Variants in POU6F2 observed in about 807,000 individuals in gnomAD.
POU6F2 encodes the protein POU class 6 homeobox 2.
POU6F2 carries 31 observed loss-of-function variants against 71.3 expected under a neutral mutation model. The ratio of observed to expected loss-of-function variants is 0.43; its 90% CI spans 0.33 to 0.59. The LOEUF is 0.59. Among genes scored for constraint, POU6F2 ranks in the 20% least tolerant of loss-of-function variants. POU6F2 has a pLI of 0.04. For missense variants in POU6F2, 783 were observed against 856.8 expected (o/e 0.91, Z 1.07); for synonymous variants, 347 against 355.7 (o/e 0.98, Z 0.27).
intron 4 of POU6F2, among the ~76,000 whole-genome samples, chr7:39,293,448 G>A (rs1383865190): frequency 5.9e-5 from 9 of 152,164 alleles, no homozygotes; most frequent in South Asian, 2.1e-4. Context: ...TAATAAGGCC[G>A]CTTGGGGCCC....
At chr7:39,259,658 G>A (rs114802926) in intron 4 of POU6F2, among the ~76,000 whole-genome samples, 2,032 of 152,150 alleles carry the variant, frequency 0.013, 37 homozygotes, top group African/African-American at 0.046. Flanking sequence ...TTTCCTGGGC[G>A]GTAAGAGCAC....
intron 5 of POU6F2, chr7:39,404,569 T>G (rs1285776509): frequency 6.6e-6 from 1 of 152,194 alleles, no homozygotes; most frequent in Non-Finnish European, 1.5e-5. Context: ...ATAGTCAACA[T>G]TAAGATCCAA....
chr7:39,078,063 G>A (rs1487366542), intron 1 of POU6F2, among the ~76,000 whole-genome samples: 1 of 152,218 alleles, frequency 6.6e-6, no homozygotes, highest in South Asian at 2.1e-4. Flanking sequence ...AGAGATGAGT[G>A]AGGGTTTGCT....
At chr7:39,406,845 G>T in intron 6 of POU6F2, 105 bp downstream of exon 6, 3 of 1,435,860 alleles carry the variant, frequency 2.1e-6, no homozygotes, top group Non-Finnish European at 2.9e-6. Flanking sequence ...ATCTATTCGA[G>T]GCAAATAAAT....
At chr7:39,373,079 C>T (rs1279985984) in intron 5 of POU6F2, among the ~76,000 whole-genome samples, 10 of 152,130 alleles carry the variant, frequency 6.6e-5, no homozygotes, top group Non-Finnish European at 1.5e-5. Context: ...CCTTTTATGC[C>T]TTCATTTCCT....
intron 4 of POU6F2, among the ~76,000 whole-genome samples, chr7:39,324,571 G>A (rs183179214): frequency 1.2e-3 from 184 of 152,290 alleles, no homozygotes; most frequent in Non-Finnish European, 2.2e-3. Context: ...GCTTGTTATC[G>A]CAGCATAACC....
intron 2 of POU6F2, among the ~76,000 whole-genome samples, chr7:39,173,199 T>A (rs1793260306): frequency 6.6e-6 from 1 of 152,242 alleles, no homozygotes; most frequent in Non-Finnish European, 1.5e-5. Context: ...ACATATCTGT[T>A]TTCAGTCTAG....
Position 39,054,431 on chromosome 7 carries a change from G to A in POU6F2, c.106-31429G>A, listed in dbSNP as rs1790465402. 2.0e-5 allele frequency among the ~76,000 whole-genome samples: 3 copies of A among 152,200 alleles called. No individual in the cohort carries two copies. In the South Asian group the frequency reaches 6.2e-4, roughly 32 times the overall value. ...TTACTCAAACCTCCCATACTAGGGT[G>A]ACATTAAATAAAATGAAATAAGTGA... On this transcript the variant is annotated intron_variant, in intron 1 of 9. Coordinates refer to ENST00000518318, the MANE Select transcript of POU6F2 (RefSeq NM_001370959.1).
intron 2 of POU6F2, among the ~76,000 whole-genome samples, chr7:39,194,879 C>T (rs919920130): frequency 6.6e-6 from 1 of 152,144 alleles, no homozygotes; most frequent in African/African-American, 2.4e-5. Flanking sequence ...AAGAGCTTAA[C>T]ACTGTGAAGG....
chr7:39,234,691 AC>A (rs1794640136), intron 4 of POU6F2, among the ~76,000 whole-genome samples: 1 of 151,888 alleles, frequency 6.6e-6, no homozygotes, highest in Non-Finnish European at 1.5e-5. Context: ...GATTCCACTG[AC>A]CCCCTCTTCA....
intron 2 of POU6F2, among the ~76,000 whole-genome samples, chr7:39,107,518 T>G (rs571314638): frequency 6.6e-6 from 1 of 152,340 alleles, no homozygotes; most frequent in East Asian, 1.9e-4. Flanking sequence ...ACCAACAATT[T>G]GTTTATACGT....
At chr7:39,315,184 C>G (rs1242577178) in intron 4 of POU6F2, among the ~76,000 whole-genome samples, 1 of 152,150 alleles carries the variant, frequency 6.6e-6, no homozygotes, top group Non-Finnish European at 1.5e-5. Context: ...TTGAGAAAGC[C>G]TTGCTACTCT....
At chr7:39,285,758 C>G (rs570398084) in intron 4 of POU6F2, among the ~76,000 whole-genome samples, 4 of 152,182 alleles carry the variant, frequency 2.6e-5, no homozygotes, top group Non-Finnish European at 4.4e-5. Context: ...TGGCTTTACA[C>G]AAGATGCTGA....
chr7:39,315,826 G>T (rs1785255600), intron 4 of POU6F2, among the ~76,000 whole-genome samples: 1 of 152,146 alleles, frequency 6.6e-6, no homozygotes, highest in Non-Finnish European at 1.5e-5. Context: ...ACTTTACTTT[G>T]GCTTTATAAC....
intron 6 of POU6F2, 109 bp from the exon 7 acceptor site, chr7:39,432,968 G>C: frequency 9.3e-7 from 1 of 1,078,762 alleles, no homozygotes; most frequent in Admixed American, 2.2e-5. Context: ...TGCAGATTCT[G>C]AGTCGGCTCC....
At chr7:38,997,915 T>C (rs1383848444) in intron 1 of POU6F2, among the ~76,000 whole-genome samples, 1 of 152,196 alleles carries the variant, frequency 6.6e-6, no homozygotes, top group African/African-American at 2.4e-5. Context: ...TTCAAAGAGA[T>C]TAACTGATTT....
chr7:39,008,901 T>C (rs1239179213), intron 1 of POU6F2, among the ~76,000 whole-genome samples: 1 of 150,232 alleles, frequency 6.7e-6, no homozygotes, highest in East Asian at 1.9e-4. Context: ...TTGGTACCAG[T>C]ACCATGCTGT....
intron 2 of POU6F2, among the ~76,000 whole-genome samples, chr7:39,125,778 G>A (rs1188467236): frequency 6.6e-6 from 1 of 152,082 alleles, no homozygotes; most frequent in East Asian, 1.9e-4. Flanking sequence ...TTAATGCACT[G>A]GGTCTTTCTC....
chr7:39,051,443 C>T (rs10951590), intron 1 of POU6F2, among the ~76,000 whole-genome samples: 45,062 of 151,968 alleles, frequency 0.3, 7,639 homozygotes, highest in East Asian at 0.74. Flanking sequence ...TTTCTATGTA[C>T]ATAATATTCA....
Sources: gnomAD v4.1 joint callset for allele counts (sites outside exome capture counted in the v4.1 genomes callset) on GRCh38, gnomAD v4.1.1 for gene constraint, MANE v1.5 for transcripts, NCBI Gene and HGNC (gene_info 2026-07-23, HGNC 2026-07-21) for gene names.